AFAP1: variants seen among roughly 807,000 people sequenced by gnomAD.
The protein encoded by AFAP1 is actin filament associated protein 1.
AFAP1 carries 75 observed loss-of-function variants against 93.9 expected under a neutral mutation model. The ratio of observed to expected loss-of-function variants is 0.80; its 90% confidence interval spans 0.66 to 0.97. AFAP1 has a LOEUF of 0.97. Among genes scored for constraint, AFAP1 ranks in the 50% least tolerant of loss-of-function variants. The probability of loss-of-function intolerance (pLI) is 0.00; values close to 1 mark genes in which losing one functional copy is unlikely to be tolerated. For missense variants in AFAP1, 1,201 were observed against 1,050.8 expected, an observed-to-expected ratio of 1.14 and a Z score of -1.98; for synonymous variants, 517 against 430.7, an observed-to-expected ratio of 1.20 and a Z score of -2.48.
At chr4:7,876,340 G>T (rs1164396128) in intron 1 of AFAP1, among the ~76,000 whole-genome samples, 1 of 152,230 alleles carries the variant, frequency 6.6e-6, no homozygotes, top group Admixed American at 6.5e-5. Flanking sequence ...TATACTGCAA[G>T]GTCCTGCACA....
chr4:7,806,651 G>A (rs902500904), intron 9 of AFAP1, among the ~76,000 whole-genome samples: 4 of 151,884 alleles, frequency 2.6e-5, no homozygotes, highest in African/African-American at 9.7e-5. Flanking sequence ...TAAAATAACT[G>A]AAAATGGTCA....
At chr4:7,838,834 T>TCACA (rs113955695) in intron 5 of AFAP1, 131 bp from the exon 6 acceptor site, 802 of 744,864 alleles carry the variant, frequency 1.1e-3, no homozygotes, top group African/African-American at 3.1e-3. Flanking sequence ...ATGAGCAGGT[T>TCACA]CACACACACA....
In AFAP1 at chr4:7,805,890, C is replaced by G. The variant is rs77153720; in HGVS notation, c.1054+3724G>C. 8.7e-3 allele frequency among the ~76,000 whole-genome samples: 1,330 copies of G among 152,204 alleles called. 36 individuals carry two copies. The highest frequency in any genetic ancestry group is 0.054 in the East Asian group (278 of 5,172). On this transcript the variant is annotated intron_variant, in intron 9 of 17. Transcript: ENST00000420658. ...CAATGCAGAATGTGATACGGTTAGT[C>G]TAACGTTTCAAAACTTCCATCTGGT...
intron 1 of AFAP1, among the ~76,000 whole-genome samples, chr4:7,917,837 A>G (rs534506108): frequency 6.6e-6 from 1 of 152,324 alleles, no homozygotes; most frequent in South Asian, 2.1e-4. Flanking sequence ...ACTGCACTGC[A>G]ATCCCCTAGA....
At chr4:7,779,235 G>C (rs1050269971) in intron 13 of AFAP1, 1 of 208,048 alleles carries the variant, frequency 4.8e-6, no homozygotes. Context: ...AGGATAAGCA[G>C]CTTTTATTTC....
Position 7,821,773 on chromosome 4 carries a change from G to C in AFAP1, c.727-2602C>G, listed in dbSNP as rs545182104. ...AGACAGATCCAAATTCCCTCAGCTT[G>C]TGCTGGTGCTGGGATTAAATCCAAG... On this transcript the variant is annotated intron_variant, in intron 6 of 17. Transcript: ENST00000420658. 8.5e-5 allele frequency among the ~76,000 whole-genome samples: 13 copies of C among 152,304 alleles called. 1 individual carries two copies. The South Asian group carries it at 2.7e-3, about 32-fold the overall frequency.
intron 7 of AFAP1, 130 bp from the exon 8 acceptor site, chr4:7,816,229 G>A (rs994033255): frequency 1.8e-5 from 13 of 718,184 alleles, no homozygotes; most frequent in Non-Finnish European, 3.0e-5. Flanking sequence ...TCCAGAAGTG[G>A]TTAGAGCTTA....
rs58075483 is a variant in AFAP1 at position 7,827,569 on chromosome 4, C to CAAAAAAAAAAAAAAAAAAAAAAAAA, written c.727-8399_727-8398insTTTTTTTTTTTTTTTTTTTTTTTTT. On this transcript the variant is annotated intron_variant, in intron 6 of 17. Transcript: ENST00000420658. ...ATGAACAAGAGTGAAACTCTGTCTC[C>CAAAAAAAAAAAAAAAAAAAAAAAAA]AAAAAAAAAAAAAAAAAAAAAGGGA... Among the ~76,000 whole-genome samples, 36 of 52,244 alleles carry CAAAAAAAAAAAAAAAAAAAAAAAAA rather than the reference C, an allele frequency of 6.9e-4. 2 individuals are homozygous for CAAAAAAAAAAAAAAAAAAAAAAAAA. The highest frequency in any genetic ancestry group is 2.4e-3 in the South Asian group (3 of 1,262). 34.3% of individuals were successfully genotyped at this position (52,244 alleles called of 152,430 possible).
chr4:7,893,007 C>T (rs1718558425), intron 1 of AFAP1, among the ~76,000 whole-genome samples: 1 of 152,170 alleles, frequency 6.6e-6, no homozygotes, highest in Admixed American at 6.5e-5. Flanking sequence ...GAACTCTTAC[C>T]TCTCAGTATA....
At chr4:7,810,582 C>A (rs1243607266) in intron 8 of AFAP1, among the ~76,000 whole-genome samples, 2 of 152,212 alleles carry the variant, frequency 1.3e-5, no homozygotes, top group African/African-American at 4.8e-5. Context: ...ATGCAGAGCT[C>A]TCAGACCAGG....
intron 4 of AFAP1, among the ~76,000 whole-genome samples, chr4:7,849,323 A>C (rs4377592): frequency 0.79 from 119,366 of 151,864 alleles, 47,255 homozygotes; most frequent in East Asian, 0.94. Context: ...TCTGGGCACA[A>C]GGCTGAGCAA....
rs529112377 is a variant in AFAP1 at position 7,914,648 on chromosome 4, G to T, written c.-3+25008C>A. 1.1e-4 allele frequency among the ~76,000 whole-genome samples: 17 copies of T among 151,644 alleles called. 1 individual carries two copies. The highest frequency in any genetic ancestry group is 3.6e-4 in the African/African-American group (15 of 41,296). On this transcript the variant is annotated intron_variant, in intron 1 of 17. Coordinates refer to ENST00000420658, the MANE Select transcript of AFAP1 (RefSeq NM_001134647.2). ...CCGACACTGATTTCCTTTTCTCTGG[G>T]TATCTACACAGTAGTGGGGCTGCTG...
intron 10 of AFAP1, among the ~76,000 whole-genome samples, chr4:7,797,743 C>T (rs887571785): frequency 3.3e-5 from 5 of 152,164 alleles, no homozygotes; most frequent in African/African-American, 1.2e-4. Flanking sequence ...ATGGTAGTTT[C>T]CTGACTGTGA....
At chr4:7,852,471 G>C (rs1714557043) in intron 4 of AFAP1, among the ~76,000 whole-genome samples, 1 of 152,124 alleles carries the variant, frequency 6.6e-6, no homozygotes, top group Admixed American at 6.5e-5. Context: ...CCCACAGTGG[G>C]AGTAAGGAAG....
intron 4 of AFAP1, among the ~76,000 whole-genome samples, chr4:7,846,131 G>T (rs974997814): frequency 5.3e-5 from 8 of 152,210 alleles, no homozygotes; most frequent in African/African-American, 1.9e-4. Context: ...TGGACAGGAC[G>T]TGAGCGAGGC....
intron 4 of AFAP1, among the ~76,000 whole-genome samples, chr4:7,852,212 AATCAAGGGGTG>A (rs1361465018): frequency 6.6e-6 from 1 of 152,136 alleles, no homozygotes; most frequent in Non-Finnish European, 1.5e-5. Context: ...ACAGCCCAAG[AATCAAGGGGTG>A]AAACGAGAGG....
chr4:7,883,762 C>T (rs916909953), intron 1 of AFAP1, among the ~76,000 whole-genome samples: 20 of 152,106 alleles, frequency 1.3e-4, no homozygotes, highest in African/African-American at 3.6e-4. Flanking sequence ...GCAAGAAATG[C>T]GCAAAACTTA....
At chr4:7,924,290 C>A (rs1422139337) in intron 1 of AFAP1, among the ~76,000 whole-genome samples, 1 of 152,188 alleles carries the variant, frequency 6.6e-6, no homozygotes, top group African/African-American at 2.4e-5. Flanking sequence ...TAACTTCCTA[C>A]CAACAAAGGT....
intron 7 of AFAP1, among the ~76,000 whole-genome samples, chr4:7,816,963 C>T (rs1263312208): frequency 6.6e-6 from 1 of 152,270 alleles, no homozygotes; most frequent in Non-Finnish European, 1.5e-5. Context: ...CTGGCACCGC[C>T]CTGGCTCTCA....
Sources: allele counts gnomAD v4.1 joint callset (sites outside exome capture counted in the v4.1 genomes callset), GRCh38; gene constraint gnomAD v4.1.1; transcripts MANE v1.5; gene names NCBI Gene and HGNC (gene_info 2026-07-23, HGNC 2026-07-21).